Variants in NEGR1 observed in about 807,000 individuals in gnomAD.
The protein encoded by NEGR1 is IgLON family member 4.
Under a neutral mutation model 40.9 loss-of-function variants are expected in NEGR1, and 10 were observed. That is an observed-to-expected ratio of 0.24 (90% CI 0.15 to 0.42). NEGR1 has a LOEUF of 0.42. Among genes scored for constraint, NEGR1 ranks in the 10% least tolerant of loss-of-function variants. The probability of loss-of-function intolerance (pLI) is 1.00; values close to 1 mark genes in which losing one functional copy is unlikely to be tolerated. For synonymous variants in NEGR1, 185 were observed against 166.8 expected, an observed-to-expected ratio of 1.11 and a Z score of -0.84; for missense variants, 352 against 438.9, an observed-to-expected ratio of 0.80 and a Z score of 1.77.
At chr1:71,856,491 A>G (rs1291847491) in intron 2 of NEGR1, among the ~76,000 whole-genome samples, 1 of 152,126 alleles carries the variant, frequency 6.6e-6, no homozygotes, top group Non-Finnish European at 1.5e-5. Flanking sequence ...CTAGAAAGAT[A>G]TAATTCCTTC....
At chr1:72,107,568 G>T (rs1339809246) in intron 1 of NEGR1, among the ~76,000 whole-genome samples, 1 of 151,380 alleles carries the variant, frequency 6.6e-6, no homozygotes, top group African/African-American at 2.4e-5. Flanking sequence ...CACATCTATT[G>T]TGCTTTGGAT....
intron 4 of NEGR1, among the ~76,000 whole-genome samples, chr1:71,660,073 T>C (rs749543520): frequency 6.6e-6 from 1 of 152,150 alleles, no homozygotes; most frequent in Non-Finnish European, 1.5e-5. Flanking sequence ...ATGGAATCAA[T>C]GTAAATGTTG....
intron 1 of NEGR1, among the ~76,000 whole-genome samples, chr1:72,032,455 A>C (rs1646866557): frequency 2.0e-5 from 3 of 152,178 alleles, no homozygotes; most frequent in African/African-American, 7.2e-5. Context: ...GCTAGAGTTA[A>C]AGGACTTCAC....
At chr1:72,095,205 G>A (rs913585639) in intron 1 of NEGR1, among the ~76,000 whole-genome samples, 1 of 151,872 alleles carries the variant, frequency 6.6e-6, no homozygotes, top group African/African-American at 2.4e-5. Context: ...GGTGACTTTT[G>A]ATTAAAATAC....
chr1:71,879,087 C>G (rs1021033629), intron 2 of NEGR1, among the ~76,000 whole-genome samples: 1 of 150,698 alleles, frequency 6.6e-6, no homozygotes, highest in Non-Finnish European at 1.5e-5. Context: ...GAGCTGAGAT[C>G]GCGCCATTGC....
intron 1 of NEGR1, among the ~76,000 whole-genome samples, chr1:72,176,986 C>T (rs1404011896): frequency 6.6e-6 from 1 of 151,900 alleles, no homozygotes; most frequent in African/African-American, 2.4e-5. Flanking sequence ...GTTGTATGGC[C>T]ATAGACTCAA....
chr1:71,572,369 T>C (rs142474187), intron 6 of NEGR1, among the ~76,000 whole-genome samples: 118 of 152,306 alleles, frequency 7.7e-4, no homozygotes, highest in African/African-American at 2.8e-3. Context: ...CAAGACCACG[T>C]CATTATCATC....
At chr1:71,849,615 C>T (rs1026434727) in intron 2 of NEGR1, among the ~76,000 whole-genome samples, 2 of 152,098 alleles carry the variant, frequency 1.3e-5, no homozygotes, top group African/African-American at 4.8e-5. Context: ...TGGCAAAATG[C>T]TATCAAATAG....
chr1:72,112,532 C>T (rs776345892), intron 1 of NEGR1, among the ~76,000 whole-genome samples: 5 of 151,542 alleles, frequency 3.3e-5, no homozygotes, highest in Non-Finnish European at 5.9e-5. Flanking sequence ...TATTATGATA[C>T]ATTTGTGATT....
chr1:71,793,106 T>C (rs1051918834), intron 2 of NEGR1, among the ~76,000 whole-genome samples: 32 of 148,200 alleles, frequency 2.2e-4, no homozygotes, highest in Non-Finnish European at 4.1e-4. Context: ...ATATTGAAGA[T>C]GGCATAAATG....
At chr1:71,864,053 C>T (rs570097979) in intron 2 of NEGR1, among the ~76,000 whole-genome samples, 1 of 152,226 alleles carries the variant, frequency 6.6e-6, no homozygotes, top group African/African-American at 2.4e-5. Context: ...ATCTCTGTGA[C>T]TAGAAAATTT....
intron 1 of NEGR1, among the ~76,000 whole-genome samples, chr1:72,046,026 T>C (rs1378451762): frequency 6.6e-6 from 1 of 151,588 alleles, no homozygotes; most frequent in Non-Finnish European, 1.5e-5. Flanking sequence ...TAATGGAAAA[T>C]ATAATCATCT....
chr1:72,204,208 AT>A (rs1173156925), intron 1 of NEGR1, among the ~76,000 whole-genome samples: 3 of 152,096 alleles, frequency 2.0e-5, no homozygotes, highest in Non-Finnish European at 4.4e-5. Context: ...GGGTGACTAC[AT>A]AATACATTTC....
intron 6 of NEGR1, among the ~76,000 whole-genome samples, chr1:71,557,746 C>A (rs1375678531): frequency 6.6e-6 from 1 of 151,492 alleles, no homozygotes; most frequent in Non-Finnish European, 1.5e-5. Flanking sequence ...ATTTTCAATA[C>A]TAAGAAATTA....
intron 1 of NEGR1, among the ~76,000 whole-genome samples, chr1:71,971,754 A>G (rs1175835163): frequency 6.6e-6 from 1 of 152,218 alleles, no homozygotes; most frequent in Non-Finnish European, 1.5e-5. Flanking sequence ...CATTATTTTC[A>G]GTCGTTAATC....
chr1:72,257,697 G>A (rs565532152), intron 1 of NEGR1, among the ~76,000 whole-genome samples: 4 of 152,216 alleles, frequency 2.6e-5, no homozygotes, highest in Admixed American at 1.3e-4. Context: ...GGCGGTACAC[G>A]TCTCTTTTGT....
chr1:72,019,635 A>G (rs1029439488), intron 1 of NEGR1, among the ~76,000 whole-genome samples: 1 of 152,228 alleles, frequency 6.6e-6, no homozygotes, highest in Non-Finnish European at 1.5e-5. Context: ...CTTTGTCTTA[A>G]TTTTAAAGTT....
At chr1:72,216,371 TTATATATATATACA>T (rs1233276550) in intron 1 of NEGR1, among the ~76,000 whole-genome samples, 32 of 115,704 alleles carry the variant, frequency 2.8e-4, no homozygotes, top group African/African-American at 1.1e-3. Flanking sequence ...AACTTGGAAG[TTATATATATATACA>T]TATATATATA....
intron 6 of NEGR1, among the ~76,000 whole-genome samples, chr1:71,525,650 C>A (rs1647207954): frequency 6.6e-6 from 1 of 151,504 alleles, no homozygotes; most frequent in Non-Finnish European, 1.5e-5. Context: ...AAGAATCTTG[C>A]AATCTAGAGT....
Sources: allele counts gnomAD v4.1 joint callset (sites outside exome capture counted in the v4.1 genomes callset), GRCh38; gene constraint gnomAD v4.1.1; transcripts MANE v1.5; gene names NCBI Gene and HGNC (gene_info 2026-07-23, HGNC 2026-07-21).